The following SETD6 variants were observed in gnomAD, a reference collection of about 807,000 sequenced individuals.
The protein encoded by SETD6 is SET domain containing 6, protein lysine methyltransferase.
Under a neutral mutation model 52.7 loss-of-function variants are expected in SETD6, and 67 were observed. The ratio of observed to expected loss-of-function variants is 1.27; its 90% CI spans 1.04 to 1.56. The LOEUF (loss-of-function observed/expected upper bound fraction) is 1.56. Ranked by LOEUF, SETD6 falls within the 40% of genes most tolerant of loss-of-function variation. SETD6 has a pLI of 0.00. For synonymous variants in SETD6, 307 were observed against 250.2 expected (o/e 1.23, Z -2.14); for missense variants, 712 against 607.5 (o/e 1.17, Z -1.81).
At position 58,516,927 on chromosome 16, in the gene SETD6, C is replaced by T. The variant is rs984214532; in HGVS notation, c.791C>T (p.Ala264Val). The T allele has an allele frequency of 8.7e-6, 14 of 1,614,022 alleles. No individual in the cohort carries two copies. Among genetic ancestry groups the T allele is most frequent in the Middle Eastern group, 1.6e-4 (1 of 6,084 alleles). Residue 264 changes from alanine to valine, a missense_variant and splice_region_variant, in exon 5 of 8, where the codon GCG becomes GTG. Coordinates refer to ENST00000219315, the MANE Select transcript of SETD6 (RefSeq NM_001160305.4). ...ANHNANLEYS[A>V]NCLRMVATQP... Reference sequence around the variant, plus strand: ...CACAACGCCAATCTAGAATACTCTGCGGTGAGTGGAGTTTCTCTTGGTGCA... The same window carrying T: ...CACAACGCCAATCTAGAATACTCTGTGGTGAGTGGAGTTTCTCTTGGTGCA...
chr16:58,517,964 C>G lies in SETD6; in HGVS notation c.793-87C>G. ...CAGCATCAGTCATGGCTGAACTACA[C>G]CTGCTGAAGGCTCTTCTTAAGTGGA... On this transcript the variant is annotated intron_variant, in intron 5 of 7. Coordinates refer to ENST00000219315, the MANE Select transcript of SETD6 (RefSeq NM_001160305.4). 3 of 1,543,062 alleles carry G rather than the reference C, an allele frequency of 1.9e-6. No homozygotes were observed. The South Asian group carries it at 3.4e-5, about 18-fold the overall frequency.
chr16:58,516,478 G>A lies in SETD6; in HGVS notation c.477G>A (p.Trp159Ter), dbSNP rs373940894. ...AACCTGGGTGTGGGTGTCCCTGCAG[G>A]CCAGAGGAGGAGCGCCGGTGCCTGC... ...ELGRLEHPMF[W>*]PEEERRCLLQ... Residue 159 changes from tryptophan (W) to a stop codon, truncating the protein, a stop_gained and splice_region_variant, in exon 4 of 8, where the codon TGG becomes TGA. Coordinates refer to ENST00000219315, the MANE Select transcript of SETD6 (RefSeq NM_001160305.4). LOFTEE classifies it high-confidence loss of function. 6.2e-7 allele frequency: 1 copy of A among 1,613,848 alleles called. No homozygotes were observed. The highest frequency in any genetic ancestry group is 8.5e-7 in the Non-Finnish European group (1 of 1,179,958).
intron 6 of SETD6, 80 bp from the exon 7 acceptor site, chr16:58,518,321 T>C: frequency 6.3e-7 from 1 of 1,597,810 alleles, no homozygotes; most frequent in Non-Finnish European, 8.5e-7. Context: ...AGCAGTTGAC[T>C]TTGTAGACTG....
At position 58,519,747 on chromosome 16, in the gene SETD6, A is replaced by AAAT. The variant is rs1209043547; in HGVS notation, c.*721_*723dup. The AAAT allele has an allele frequency of 1.3e-5, 2 of 152,252 alleles. No individual in the cohort carries two copies. The highest frequency in any genetic ancestry group is 4.8e-5 in the African/African-American group (2 of 41,464). 9.4% of individuals were successfully genotyped at this position (152,252 alleles called of 1,614,324 possible). ...CTGCTCCAGCATTTGTCCAGTGTTG[A>AAAT]AATAAATAGGAAGAAAAATACAATT... On this transcript the variant is annotated 3_prime_UTR_variant, in exon 8 of 8. Transcript: ENST00000219315.
rs763682255 is a variant in SETD6, at chr16:58,521,159, A to G, written c.*2130A>G. On this transcript the variant is annotated 3_prime_UTR_variant, in exon 8 of 8. Coordinates refer to ENST00000219315, the MANE Select transcript of SETD6 (RefSeq NM_001160305.4). ...TCAGTCTCCAGTCTCATTCCTAGAC[A>G]ATTAAAAATTACTTTGAACTCACTT... The G allele has an allele frequency of 6.2e-7, 1 of 1,612,962 alleles. No homozygotes were observed. Among genetic ancestry groups the G allele is most frequent in the Admixed American group, 1.7e-5 (1 of 59,696 alleles).
rs759864174 is a variant in SETD6 at position 58,523,526 on chromosome 16, T to C, written c.*4497T>C. 2 of 1,612,076 alleles carry C rather than the reference T, an allele frequency of 1.2e-6. No homozygotes were observed. On this transcript the variant is annotated 3_prime_UTR_variant, in exon 8 of 8. Transcript: ENST00000219315. ...ACCTAGAAATTAAGAAACCTTGACT[T>C]AGGACTTAGTCTGAAAGGCCAACAT...
Position 58,518,874 on chromosome 16 carries a change from A to G in SETD6, c.1267A>G (p.Thr423Ala), listed in dbSNP as rs1567377942. ...GCTGCTTCAAAACAGTGTTCTACTG[A>G]CTTTGCAGACCTATGCCACAGACTT... Reference protein sequence around the residue: ...RQLLQNSVLLTLQTYATDLKT... With the variant: ...RQLLQNSVLLALQTYATDLKT... The change falls in exon 8 of 8, where the codon ACT becomes GCT. Residue 423 changes from threonine to alanine, a missense_variant. Thr to Ala is a moderately conservative substitution (Grantham distance 58, BLOSUM62 0). Transcript: ENST00000219315. 6.2e-7 allele frequency: 1 copy of G among 1,614,206 alleles called. No homozygotes were observed. The highest frequency in any genetic ancestry group is 8.5e-7 in the Non-Finnish European group (1 of 1,180,034).
chr16:58,518,021 C>T, intron 5 of SETD6, 30 bp from the exon 6 acceptor site: 2 of 1,613,880 alleles, frequency 1.2e-6, no homozygotes, highest in Non-Finnish European at 1.7e-6. Flanking sequence ...CCGTGAAAGG[C>T]ATGGCCCCAG....
rs770326015 is a variant in SETD6 at position 58,516,297 on chromosome 16, T to C, written c.430T>C (p.Phe144Leu). 40 of 1,605,496 alleles carry C rather than the reference T, an allele frequency of 2.5e-5. No individual in the cohort carries two copies. The highest frequency in any genetic ancestry group is 3.1e-5 in the Non-Finnish European group (37 of 1,179,874). ...CCCGGCCTCACGCTGGAGGCCCTAC[T>C]TTGCGCTCTGGCCCGAGCTGGGCCG... ...QAPASRWRPY[F>L]ALWPELGRLE... Residue 144 changes from phenylalanine (F) to leucine (L), a missense_variant, in exon 3 of 8, where the codon TTT becomes CTT. Physicochemically the swap from Phe to Leu is conservative, Grantham distance 22. Coordinates refer to ENST00000219315, the MANE Select transcript of SETD6 (RefSeq NM_001160305.4).
intron 5 of SETD6, chr16:58,517,456 C>G (rs37034): frequency 0.25 from 43,105 of 172,424 alleles, 5,963 homozygotes; most frequent in East Asian, 0.37. Flanking sequence ...TTTCCTTTCC[C>G]ACTTTGATCT....
Position 58,522,267 on chromosome 16 carries a change from A to G in SETD6, c.*3238A>G, listed in dbSNP as rs1013262685. ...AAAAAAAAAAAAAAAAAAAAAAAAA[A>G]GCTAACATTGCTAGTTCACATGTAA... On this transcript the variant is annotated 3_prime_UTR_variant, in exon 8 of 8. Coordinates refer to ENST00000219315, the MANE Select transcript of SETD6 (RefSeq NM_001160305.4). Among the ~76,000 whole-genome samples, 1 of 133,130 alleles carries G rather than the reference A, an allele frequency of 7.5e-6. No individual in the cohort carries two copies. Among genetic ancestry groups the G allele is most frequent in the African/African-American group, 2.8e-5 (1 of 35,452 alleles). 87.3% of individuals were successfully genotyped at this position (133,130 alleles called of 152,430 possible). A position where few individuals can be genotyped will look rare whatever the true frequency, so the allele number is the denominator to read the frequency against.
chr16:58,520,822 A>C lies in SETD6; in HGVS notation c.*1793A>C. 1 of 881,214 alleles carries C rather than the reference A, an allele frequency of 1.1e-6. No homozygotes were observed. Among genetic ancestry groups the C allele is most frequent in the Non-Finnish European group, 1.8e-6 (1 of 560,550 alleles). The allele number at this position is 881,214 out of a possible 1,614,324, so 54.6% of individuals were successfully genotyped here. ...CACATAAGACAGGAGGCTGATCCCA[A>C]CAGTAGTTGGGGCAGATACCCACAA... On this transcript the variant is annotated 3_prime_UTR_variant, in exon 8 of 8. Coordinates refer to ENST00000219315, the MANE Select transcript of SETD6 (RefSeq NM_001160305.4).
Position 58,516,288 on chromosome 16 carries a change from A to C in SETD6, c.421A>C (p.Arg141=). The change falls in exon 3 of 8, where the codon AGG becomes CGG. Residue 141 remains arginine (R), a synonymous_variant. Coordinates refer to ENST00000219315, the MANE Select transcript of SETD6 (RefSeq NM_001160305.4). ...HELQAPASRW[R]PYFALWPELG... ...GCTGCAGGCCCCGGCCTCACGCTGG[A>C]GGCCCTACTTTGCGCTCTGGCCCGA... The C allele has an allele frequency of 4.4e-6, 7 of 1,604,558 alleles. No individual in the cohort carries two copies. The highest frequency in any genetic ancestry group is 4.2e-6 in the Non-Finnish European group (5 of 1,179,856).
rs1396170769 is a variant in SETD6 at position 58,516,210 on chromosome 16, G to A, written c.343G>A (p.Ala115Thr). 6.3e-7 allele frequency: 1 copy of A among 1,590,214 alleles called. No homozygotes were observed. The highest frequency in any genetic ancestry group is 1.7e-5 in the Admixed American group (1 of 57,838). The change falls in exon 3 of 8, where the codon GCG becomes ACG. Residue 115 changes from alanine to threonine, a missense_variant. Transcript: ENST00000219315. ...IGGLLERERV[A>T]LQSQSGWVPL... ...ACCTGTGTCTTCCTCAGAGCGAGTT[G>A]CGCTGCAGAGCCAGTCGGGCTGGGT...
In SETD6 at chr16:58,516,614, C is replaced by G; in HGVS notation, c.613C>G (p.Leu205Val). Reference protein sequence around the residue: ...FMEAHPDLFSLRVRSLELYHQ... With the variant: ...FMEAHPDLFSVRVRSLELYHQ... ...GGAAGCCCACCCCGATCTCTTCAGC[C>G]TCAGGGTTCGCTCCCTAGAACTCTA... The change falls in exon 4 of 8, where the codon CTC becomes GTC. Residue 205 changes from leucine (L) to valine (V), a missense_variant. Leu to Val is a conservative substitution (Grantham distance 32). Coordinates refer to ENST00000219315, the MANE Select transcript of SETD6 (RefSeq NM_001160305.4). 1 of 1,614,196 alleles carries G rather than the reference C, an allele frequency of 6.2e-7. No homozygotes were observed. Among genetic ancestry groups the G allele is most frequent in the Non-Finnish European group, 8.5e-7 (1 of 1,180,020 alleles).
rs777286516 is a variant in SETD6, at chr16:58,516,350, G to A, written c.476+7G>A. The A allele has an allele frequency of 1.2e-6, 2 of 1,610,092 alleles. No individual in the cohort carries two copies. Among genetic ancestry groups the A allele is most frequent in the Non-Finnish European group, 1.7e-6 (2 of 1,179,900 alleles). On this transcript the variant is annotated splice_region_variant and intron_variant, in intron 3 of 7. Transcript: ENST00000219315. ...TGGAGCACCCGATGTTCTGGTGAGA[G>A]CCTTGGGAGGGGTTGGGGAGCGCCT...
intron 5 of SETD6, chr16:58,517,483 T>G (rs746928370): frequency 5.8e-6 from 1 of 171,966 alleles, no homozygotes; most frequent in Non-Finnish European, 1.3e-5. Flanking sequence ...GTTCCATTTT[T>G]TCCCCCCCGA....
intron 6 of SETD6, 32 bp from the exon 7 acceptor site, chr16:58,518,369 C>T: frequency 1.9e-6 from 3 of 1,581,992 alleles, no homozygotes; most frequent in Non-Finnish European, 2.6e-6. Context: ...CTTGGGTGTA[C>T]TGAGACTTTC....
At chr16:58,516,976 T>C (rs2039185195) in intron 5 of SETD6, 48 bp downstream of exon 5, 3 of 1,613,796 alleles carry the variant, frequency 1.9e-6, no homozygotes, top group East Asian at 2.2e-5. Flanking sequence ...ATTCAAGCCA[T>C]TGTGTCTTAG....
Sources: allele counts gnomAD v4.1 joint callset (sites outside exome capture counted in the v4.1 genomes callset), GRCh38; gene constraint gnomAD v4.1.1; transcripts MANE v1.5; gene names NCBI Gene and HGNC (gene_info 2026-07-23, HGNC 2026-07-21).